Variants in CACNA1A observed in about 807,000 individuals in gnomAD.
The protein encoded by CACNA1A is calcium voltage-gated channel subunit alpha1 A.
CACNA1A carries 57 observed loss-of-function variants against 262.4 expected under a neutral mutation model. That is an observed-to-expected ratio of 0.22 (90% CI 0.18 to 0.27). The LOEUF (loss-of-function observed/expected upper bound fraction) is 0.27. Among genes scored for constraint, CACNA1A ranks in the 10% least tolerant of loss-of-function variants. The pLI, the probability that CACNA1A is intolerant of heterozygous loss-of-function variation, is 1.00. For synonymous variants in CACNA1A, 1,431 were observed against 1,419.3 expected (o/e 1.01, Z -0.18); for missense variants, 2,526 against 3,562.8 (o/e 0.71, Z 7.41).
chr19:13,369,437 C>T (rs896426230), intron 4 of CACNA1A, among the ~76,000 whole-genome samples: 7 of 152,150 alleles, frequency 4.6e-5, no homozygotes, highest in Non-Finnish European at 1.0e-4. Flanking sequence ...TCCCAAGAGC[C>T]GTCCCCCAAT....
Position 13,275,936 on chromosome 19 carries a change from G to A in CACNA1A, c.3903C>T (p.Val1301=). 1 of 1,613,438 alleles carries A rather than the reference G, an allele frequency of 6.2e-7. No homozygotes were observed. Among genetic ancestry groups the A allele is most frequent in the Non-Finnish European group, 8.5e-7 (1 of 1,179,422 alleles). ...MVIKMIDLGL[V]LHQGAYFRDL... Reference sequence around the variant, plus strand: ...CACGGAAGTAGGCACCCTGATGCAGGACGAGCCCCAGGTCAATCATCTGTG... The same window carrying A: ...CACGGAAGTAGGCACCCTGATGCAGAACGAGCCCCAGGTCAATCATCTGTG... The change falls in exon 24 of 47, where the codon GTC becomes GTT. Residue 1301 remains valine (V), a synonymous_variant. Coordinates refer to ENST00000360228, the MANE Select transcript of CACNA1A (RefSeq NM_001127222.2).
At chr19:13,311,999 G>A (rs1421001354) in intron 12 of CACNA1A, among the ~76,000 whole-genome samples, 1 of 152,162 alleles carries the variant, frequency 6.6e-6, no homozygotes, top group Non-Finnish European at 1.5e-5. Context: ...GGGACATTCT[G>A]GCCTGTGTCT....
intron 3 of CACNA1A, among the ~76,000 whole-genome samples, chr19:13,376,760 T>G (rs998047246): frequency 7.6e-5 from 11 of 145,426 alleles, no homozygotes; most frequent in Non-Finnish European, 1.2e-4. Flanking sequence ...ATATGTTATA[T>G]GTGACATATA....
intron 3 of CACNA1A, among the ~76,000 whole-genome samples, chr19:13,421,763 G>GAAAAT (rs973794647): frequency 6.6e-6 from 1 of 152,056 alleles, no homozygotes; most frequent in Non-Finnish European, 1.5e-5. Context: ...CAGAACTGTG[G>GAAAAT]AAAATAAATT....
chr19:13,228,609 T>TATATATATATATATGAA (rs2055558234), intron 36 of CACNA1A: 1 of 205,682 alleles, frequency 4.9e-6, no homozygotes, highest in African/African-American at 2.4e-5. Flanking sequence ...GAGAGAGATA[T>TATATATATATATATGAA]ATATATATAT....
Position 13,340,665 on chromosome 19 carries a change from G to A in CACNA1A, c.979-4756C>T, listed in dbSNP as rs1478968885. 2.6e-5 allele frequency among the ~76,000 whole-genome samples: 4 copies of A among 152,046 alleles called. 1 individual carries two copies. Among genetic ancestry groups the A allele is most frequent in the South Asian group, 4.1e-4 (2 of 4,826 alleles). On this transcript the variant is annotated intron_variant, in intron 6 of 46. Coordinates refer to ENST00000360228, the MANE Select transcript of CACNA1A (RefSeq NM_001127222.2). Reference sequence around the variant, plus strand: ...TGGTCTCGAACTCCCGACCTCAGGCGATCCACTCACCTCGGCCTCCCAAAG... The same window carrying A: ...TGGTCTCGAACTCCCGACCTCAGGCAATCCACTCACCTCGGCCTCCCAAAG...
chr19:13,483,524 G>T (rs976698725), intron 1 of CACNA1A, among the ~76,000 whole-genome samples: 1 of 152,038 alleles, frequency 6.6e-6, no homozygotes, highest in Non-Finnish European at 1.5e-5. Context: ...ATGAGCACAC[G>T]ACCTCAGCAA....
chr19:13,434,110 G>A (rs193121756), intron 3 of CACNA1A, among the ~76,000 whole-genome samples: 44 of 152,252 alleles, frequency 2.9e-4, no homozygotes, highest in Admixed American at 2.2e-3. Context: ...AAGCCCTAAG[G>A]GCACAGCCTG....
rs16000 is a variant in CACNA1A, at chr19:13,506,276, A to ACGCCGC, written c.-58_-53dup. 1.2e-3 allele frequency: 1,665 copies of ACGCCGC among 1,354,674 alleles called. 3 individuals are homozygous for ACGCCGC. Among genetic ancestry groups the ACGCCGC allele is most frequent in the South Asian group, 1.9e-3 (111 of 57,862 alleles). 83.9% of individuals were successfully genotyped at this position (1,354,674 alleles called of 1,614,324 possible). On this transcript the variant is annotated 5_prime_UTR_variant, in exon 1 of 47. Coordinates refer to ENST00000360228, the MANE Select transcript of CACNA1A (RefSeq NM_001127222.2). ...TACGCTGCGGCGAACGATGCGGAAG[A>ACGCCGC]CGCCGCCGCCGCCGCCGCCGCCGCT...
intron 22 of CACNA1A, among the ~76,000 whole-genome samples, chr19:13,278,574 T>C (rs1044481072): frequency 2.0e-5 from 3 of 152,178 alleles, no homozygotes; most frequent in African/African-American, 4.8e-5. Context: ...CGGCCACTTA[T>C]CACTCCCTGA....
At position 13,479,226 on chromosome 19, in the gene CACNA1A, T is replaced by C. The variant is rs548188809; in HGVS notation, c.294-24014A>G. ...AAATCACCTTCCCTTGTGGAGATCATAGTGATGTAGGGTGACAGATAGCAG... is the reference window on the plus strand; with the variant it reads ...AAATCACCTTCCCTTGTGGAGATCACAGTGATGTAGGGTGACAGATAGCAG... On this transcript the variant is annotated intron_variant, in intron 1 of 46. Coordinates refer to ENST00000360228, the MANE Select transcript of CACNA1A (RefSeq NM_001127222.2). Among the ~76,000 whole-genome samples, 187 of 152,134 alleles carry C rather than the reference T, an allele frequency of 1.2e-3. 2 individuals carry two copies. The highest frequency in any genetic ancestry group is 4.1e-4 in the Non-Finnish European group (28 of 67,986).
At chr19:13,300,352 A>G (rs1324431334) in intron 18 of CACNA1A, among the ~76,000 whole-genome samples, 198 bp downstream of exon 18, 2 of 152,120 alleles carry the variant, frequency 1.3e-5, no homozygotes, top group African/African-American at 4.8e-5. Context: ...CTGTATCCCC[A>G]GAAGTTAGAA....
At chr19:13,348,091 A>ATT (rs200282062) in intron 6 of CACNA1A, among the ~76,000 whole-genome samples, 2 of 151,528 alleles carry the variant, frequency 1.3e-5, no homozygotes, top group African/African-American at 4.8e-5. Flanking sequence ...CAGCTAATTA[A>ATT]TTATTTTTCT....
At chr19:13,393,584 C>T (rs543661864) in intron 3 of CACNA1A, among the ~76,000 whole-genome samples, 16 of 113,126 alleles carry the variant, frequency 1.4e-4, no homozygotes, top group Admixed American at 5.3e-4. Context: ...TCTTCTTCTT[C>T]CTCCTCCTCT....
chr19:13,230,295 C>A, intron 35 of CACNA1A, 86 bp from the exon 36 acceptor site: 1 of 1,467,304 alleles, frequency 6.8e-7, no homozygotes, highest in South Asian at 1.2e-5. Context: ...GACAGACAGA[C>A]GGACAGACAG....
In CACNA1A at chr19:13,276,046, C is replaced by T. The variant is rs7257254; in HGVS notation, c.3883-90G>A. The T allele has an allele frequency of 0.2, 155,009 of 787,436 alleles. 20,757 individuals carry two copies. Among genetic ancestry groups the T allele is most frequent in the East Asian group, 0.58 (21,668 of 37,560 alleles). The allele number at this position is 787,436 out of a possible 1,614,324, so 48.8% of individuals were successfully genotyped here. A position where few individuals can be genotyped will look rare whatever the true frequency, so the allele number is the denominator to read the frequency against. On this transcript the variant is annotated intron_variant, in intron 23 of 46. Transcript: ENST00000360228. The stretch of plus-strand genomic sequence containing the variant: ...CACTCTCTAGCCTCTCGGGGAGAGG[C>T]AGGGAAGCCAATGAGGCCACCTCAT...
At chr19:13,309,529 CAA>C (rs373852970) in intron 12 of CACNA1A, among the ~76,000 whole-genome samples, 3 of 119,838 alleles carry the variant, frequency 2.5e-5, no homozygotes, top group Non-Finnish European at 1.8e-5. Context: ...CCTGACTTTA[CAA>C]AAAAAAAAAA....
At chr19:13,401,344 C>G (rs2059896999) in intron 3 of CACNA1A, among the ~76,000 whole-genome samples, 1 of 152,132 alleles carries the variant, frequency 6.6e-6, no homozygotes, top group Admixed American at 6.5e-5. Flanking sequence ...TTTCCATGTT[C>G]TCACTAATAC....
At chr19:13,270,140 C>T (rs1475992745) in intron 24 of CACNA1A, among the ~76,000 whole-genome samples, 1 of 152,080 alleles carries the variant, frequency 6.6e-6, no homozygotes, top group Admixed American at 6.6e-5. Context: ...CTGAACCCAA[C>T]CTCAGTGATC....
Sources: allele counts gnomAD v4.1 joint callset (sites outside exome capture counted in the v4.1 genomes callset), GRCh38; gene constraint gnomAD v4.1.1; transcripts MANE v1.5; gene names NCBI Gene and HGNC (gene_info 2026-07-23, HGNC 2026-07-21).